The following RBFOX1 variants were observed in gnomAD, a reference collection of about 807,000 sequenced individuals.
RBFOX1 encodes the protein RNA binding fox-1 homolog 1.
A neutral mutation model predicts 57.7 loss-of-function variants in RBFOX1; 8 were observed. The observed-to-expected ratio is 0.14, with a 90% confidence interval of 0.08 to 0.25. The LOEUF (loss-of-function observed/expected upper bound fraction) is 0.25, where lower values mean the gene tolerates loss of function less well. Among genes scored for constraint, RBFOX1 ranks in the 10% least tolerant of loss-of-function variants. RBFOX1 has a pLI of 1.00. For missense variants in RBFOX1, 611 were observed against 548.5 expected, an observed-to-expected ratio of 1.11 and a Z score of -1.14; for synonymous variants, 326 against 222.4, an observed-to-expected ratio of 1.47 and a Z score of -4.15.
At chr16:5,528,647 C>T (rs1412199790) in intron 2 of RBFOX1, among the ~76,000 whole-genome samples, 2 of 148,534 alleles carry the variant, frequency 1.3e-5, no homozygotes, top group Admixed American at 6.8e-5. Context: ...TTCTCCGCTT[C>T]CCCCCTCCCC....
At chr16:6,605,463 C>G (rs1202617569) in intron 2 of RBFOX1, among the ~76,000 whole-genome samples, 1 of 152,110 alleles carries the variant, frequency 6.6e-6, no homozygotes, top group Non-Finnish European at 1.5e-5. Context: ...AGCTTTCTGG[C>G]TGCTTTGAAT....
chr16:6,652,671 G>T (rs895808207), intron 2 of RBFOX1, among the ~76,000 whole-genome samples: 1 of 152,070 alleles, frequency 6.6e-6, no homozygotes, highest in African/African-American at 2.4e-5. Flanking sequence ...ATTTTTTATG[G>T]CATTCCTAGC....
rs890043622 is a variant in RBFOX1, at chr16:7,071,346, C to T, written c.27+19248C>T. On this transcript the variant is annotated intron_variant, in intron 4 of 15. Coordinates refer to ENST00000550418, the MANE Select transcript of RBFOX1 (RefSeq NM_018723.4). ...TTATAATGCCAGGAAAAAGAAAATG[C>T]GATTTGTTAGTCATGAAATTAGGTG... 5.3e-5 allele frequency among the ~76,000 whole-genome samples: 8 copies of T among 151,834 alleles called. No homozygotes were observed. The East Asian group carries it at 7.7e-4, about 15-fold the overall frequency.
At chr16:7,589,154 C>T (rs758889893) in intron 7 of RBFOX1, among the ~76,000 whole-genome samples, 9 of 152,150 alleles carry the variant, frequency 5.9e-5, no homozygotes, top group Non-Finnish European at 1.3e-4. Context: ...GTATTCTTGG[C>T]GAAATTGTAG....
intron 1 of RBFOX1, among the ~76,000 whole-genome samples, chr16:5,271,482 T>C (rs994557260): frequency 6.6e-5 from 10 of 152,260 alleles, no homozygotes; most frequent in African/African-American, 2.2e-4. Flanking sequence ...GATCCACTTT[T>C]CACTGGGAAC....
At chr16:7,052,440 T>C (rs1048660283) in intron 4 of RBFOX1, among the ~76,000 whole-genome samples, 11 of 152,212 alleles carry the variant, frequency 7.2e-5, no homozygotes, top group African/African-American at 2.4e-4. Context: ...GCCTTCTTAA[T>C]ATGAATACCA....
intron 4 of RBFOX1, among the ~76,000 whole-genome samples, chr16:7,252,008 T>C (rs2153025735): frequency 6.6e-6 from 1 of 152,340 alleles, no homozygotes; most frequent in East Asian, 1.9e-4. Context: ...ATGCAAAAGC[T>C]CTACAGTATT....
At chr16:5,904,602 C>G (rs1466465343) in intron 4 of RBFOX1, among the ~76,000 whole-genome samples, 1 of 151,916 alleles carries the variant, frequency 6.6e-6, no homozygotes. Flanking sequence ...TGAAATGTTC[C>G]CCCTTGAAAA....
intron 14 of RBFOX1, among the ~76,000 whole-genome samples, chr16:7,689,739 G>C (rs1435584026): frequency 6.6e-6 from 1 of 151,968 alleles, no homozygotes; most frequent in East Asian, 1.9e-4. Context: ...ACCCAAGCAA[G>C]GATGATCTTG....
intron 3 of RBFOX1, among the ~76,000 whole-genome samples, chr16:5,839,245 C>G (rs2056551457): frequency 1.3e-5 from 2 of 152,254 alleles, no homozygotes; most frequent in South Asian, 2.1e-4. Flanking sequence ...ATCCTCTGTT[C>G]AATACTTATG....
chr16:7,453,890 C>T (rs957422715), intron 4 of RBFOX1, among the ~76,000 whole-genome samples: 5 of 152,110 alleles, frequency 3.3e-5, no homozygotes, highest in African/African-American at 1.2e-4. Flanking sequence ...AAGTTGTCCT[C>T]GCAAAGAAGG....
chr16:7,276,079 C>G lies in RBFOX1; in HGVS notation c.27+223981C>G, dbSNP rs141406518. ...GGCAATAAAGAAACTCCTAAACATA[C>G]CTCTTTGTCCATAAATGGAAACCAG... is the stretch of plus-strand genomic sequence containing the variant. On this transcript the variant is annotated intron_variant, in intron 4 of 15. Transcript: ENST00000550418. Among the ~76,000 whole-genome samples the G allele has an allele frequency of 7.9e-5, 12 of 152,324 alleles. No homozygotes were observed. The South Asian group carries it at 2.1e-3, about 26-fold the overall frequency.
chr16:7,073,956 G>C (rs1265471117), intron 4 of RBFOX1, among the ~76,000 whole-genome samples: 1 of 152,156 alleles, frequency 6.6e-6, no homozygotes, highest in Non-Finnish European at 1.5e-5. Context: ...TTATGAGACA[G>C]CTCCCTGTTT....
chr16:7,107,847 C>T (rs1398433919), intron 4 of RBFOX1, among the ~76,000 whole-genome samples: 1 of 152,094 alleles, frequency 6.6e-6, no homozygotes, highest in Non-Finnish European at 1.5e-5. Context: ...CAATAACCTC[C>T]TTGTTTTCTC....
At chr16:6,690,762 T>TC (rs1310089968) in intron 3 of RBFOX1, among the ~76,000 whole-genome samples, 7 of 128,508 alleles carry the variant, frequency 5.4e-5, no homozygotes, top group African/African-American at 2.0e-4. Context: ...TTCTTTCTTT[T>TC]TTTTTTTTTT....
At chr16:6,894,862 C>G (rs1458576115) in intron 3 of RBFOX1, among the ~76,000 whole-genome samples, 3 of 152,194 alleles carry the variant, frequency 2.0e-5, no homozygotes, top group African/African-American at 4.8e-5. Context: ...TTCTCTGCCA[C>G]AGTTCTCAAA....
chr16:7,513,494 A>G (rs2075669757), intron 4 of RBFOX1, among the ~76,000 whole-genome samples: 2 of 152,116 alleles, frequency 1.3e-5, no homozygotes, highest in Non-Finnish European at 2.9e-5. Context: ...GGGATTCTGG[A>G]CCTTGGCACT....
chr16:5,905,447 C>G (rs571123032), intron 4 of RBFOX1, among the ~76,000 whole-genome samples: 78 of 152,214 alleles, frequency 5.1e-4, no homozygotes, highest in African/African-American at 1.8e-3. Flanking sequence ...CGCAGTGGCT[C>G]TTGCCTGTAA....
At chr16:6,476,318 C>T (rs919936439) in intron 2 of RBFOX1, among the ~76,000 whole-genome samples, 1 of 152,094 alleles carries the variant, frequency 6.6e-6, no homozygotes, top group Non-Finnish European at 1.5e-5. Flanking sequence ...ATAGTAAATA[C>T]ACATCTTGTA....
Sources: allele counts gnomAD v4.1 joint callset (sites outside exome capture counted in the v4.1 genomes callset), GRCh38; gene constraint gnomAD v4.1.1; transcripts MANE v1.5; gene names NCBI Gene and HGNC (gene_info 2026-07-23, HGNC 2026-07-21).